The following STX18 variants were observed in gnomAD, a reference collection of about 807,000 sequenced individuals.
The protein encoded by STX18 is syntaxin 18.
STX18 carries 40 observed loss-of-function variants against 50.1 expected under a neutral mutation model. The observed-to-expected ratio is 0.80, with a 90% confidence interval of 0.62 to 1.04. STX18 has a LOEUF of 1.04. Ranked by LOEUF, STX18 falls within the 50% of genes least tolerant of loss-of-function variation. The probability of loss-of-function intolerance (pLI) is 0.00; values close to 1 mark genes in which losing one functional copy is unlikely to be tolerated. For synonymous variants in STX18, 158 were observed against 151.8 expected, an observed-to-expected ratio of 1.04 and a Z score of -0.30; for missense variants, 410 against 415.8, an observed-to-expected ratio of 0.99 and a Z score of 0.12.
At chr4:4,472,304 AC>A (rs1187431707) in intron 1 of STX18, among the ~76,000 whole-genome samples, 1 of 152,206 alleles carries the variant, frequency 6.6e-6, no homozygotes, top group Non-Finnish European at 1.5e-5. Flanking sequence ...ATTCTAAAGC[AC>A]CTACTACATG....
At chr4:4,434,400 T>C (rs1725674360) in intron 7 of STX18, among the ~76,000 whole-genome samples, 1 of 152,230 alleles carries the variant, frequency 6.6e-6, no homozygotes, top group Admixed American at 6.5e-5. Flanking sequence ...TTTTCAGTCA[T>C]TATCTTACTT....
At chr4:4,423,267 C>T (rs957013870) in intron 9 of STX18, among the ~76,000 whole-genome samples, 7 of 152,222 alleles carry the variant, frequency 4.6e-5, no homozygotes, top group African/African-American at 9.6e-5. Flanking sequence ...CACGTGCCAC[C>T]GCATGTGCTA....
At chr4:4,459,827 C>T (rs1727286132) in intron 2 of STX18, among the ~76,000 whole-genome samples, 1 of 152,216 alleles carries the variant, frequency 6.6e-6, no homozygotes, top group African/African-American at 2.4e-5. Context: ...GGCGCAGCTA[C>T]TGAAGGGTCT....
chr4:4,518,618 T>A (rs1009802676), intron 1 of STX18, among the ~76,000 whole-genome samples: 23 of 152,216 alleles, frequency 1.5e-4, no homozygotes, highest in Admixed American at 1.4e-3. Flanking sequence ...ATAAGGGTTT[T>A]TAAAAAAAAG....
intron 5 of STX18, among the ~76,000 whole-genome samples, chr4:4,449,231 G>C (rs1024157705): frequency 2.0e-5 from 3 of 151,792 alleles, no homozygotes; most frequent in Admixed American, 6.6e-5. Context: ...ATTTTTTGTA[G>C]AGATGGGATC....
intron 5 of STX18, among the ~76,000 whole-genome samples, chr4:4,454,281 G>T (rs899882497): frequency 6.6e-6 from 1 of 152,222 alleles, no homozygotes; most frequent in Non-Finnish European, 1.5e-5. Context: ...TTTGTGCAAA[G>T]TAATTGGCAC....
intron 1 of STX18, among the ~76,000 whole-genome samples, chr4:4,528,666 G>C (rs566633222): frequency 2.6e-5 from 4 of 152,250 alleles, no homozygotes; most frequent in Admixed American, 2.0e-4. Context: ...TGCATCTTTC[G>C]GATTGAGGCC....
At chr4:4,434,924 T>C (rs1725697389) in intron 6 of STX18, 66 bp from the exon 7 acceptor site, 3 of 1,081,646 alleles carry the variant, frequency 2.8e-6, no homozygotes, top group Non-Finnish European at 4.1e-6. Context: ...GCTTAGGATG[T>C]AGTCATAACA....
intron 1 of STX18, among the ~76,000 whole-genome samples, chr4:4,518,715 A>G (rs917068503): frequency 6.6e-6 from 1 of 152,172 alleles, no homozygotes; most frequent in Non-Finnish European, 1.5e-5. Flanking sequence ...CACAGAAAAC[A>G]TATCTTAAAA....
chr4:4,502,624 T>C (rs996393845), intron 1 of STX18, among the ~76,000 whole-genome samples: 3 of 152,058 alleles, frequency 2.0e-5, no homozygotes, highest in African/African-American at 7.2e-5. Context: ...GAGGAAACTG[T>C]GTTGAAGAAA....
At chr4:4,434,713 G>C in intron 7 of STX18, 57 bp downstream of exon 7, 1 of 1,448,212 alleles carries the variant, frequency 6.9e-7, no homozygotes, top group South Asian at 1.3e-5. Flanking sequence ...TCTCCTTAGT[G>C]AAACAGTCTT....
intron 2 of STX18, among the ~76,000 whole-genome samples, chr4:4,469,718 T>G (rs1727815876): frequency 6.6e-6 from 1 of 152,130 alleles, no homozygotes; most frequent in African/African-American, 2.4e-5. Context: ...ACTGCTGCAT[T>G]CATGATTCCC....
At chr4:4,442,005 G>A (rs1726132739) in intron 5 of STX18, among the ~76,000 whole-genome samples, 1 of 152,130 alleles carries the variant, frequency 6.6e-6, no homozygotes, top group South Asian at 2.1e-4. Flanking sequence ...ATTCAATTCT[G>A]CCATATGTTT....
At chr4:4,518,648 ATTCC>A (rs1481722291) in intron 1 of STX18, among the ~76,000 whole-genome samples, 8 of 152,168 alleles carry the variant, frequency 5.3e-5, no homozygotes, top group Admixed American at 5.2e-4. Flanking sequence ...CTATAAATTA[ATTCC>A]TTCCTCTCTC....
At chr4:4,463,728 G>A (rs766646955) in intron 2 of STX18, among the ~76,000 whole-genome samples, 7 of 152,172 alleles carry the variant, frequency 4.6e-5, no homozygotes, top group Non-Finnish European at 1.0e-4. Flanking sequence ...TATCAAATCA[G>A]TATTTGATAC....
Position 4,507,742 on chromosome 4 carries a change from G to A in STX18, c.168+34055C>T, listed in dbSNP as rs950934770. 25 of 1,299,366 alleles carry A rather than the reference G, an allele frequency of 1.9e-5. No homozygotes were observed. In the African/African-American group the frequency reaches 3.1e-4, roughly 16 times the overall value. The allele number at this position is 1,299,366 out of a possible 1,614,324, so 80.5% of individuals were successfully genotyped here. A position where few individuals can be genotyped will look rare whatever the true frequency, so the allele number is the denominator to read the frequency against. On this transcript the variant is annotated intron_variant, in intron 1 of 10. Transcript: ENST00000306200. Reference sequence around the variant, plus strand: ...TTCTGGTGTCTCTAAGAAGCTCACGGGCAAGGATGTTAATTTTGAATTCCC... The same window carrying A: ...TTCTGGTGTCTCTAAGAAGCTCACGAGCAAGGATGTTAATTTTGAATTCCC...
At chr4:4,452,394 G>C (rs182874412) in intron 5 of STX18, among the ~76,000 whole-genome samples, 5 of 152,326 alleles carry the variant, frequency 3.3e-5, no homozygotes, top group African/African-American at 9.6e-5. Context: ...CCTTCTATTG[G>C]AATTGGAGGT....
Position 4,457,518 on chromosome 4 carries a change from A to C in STX18, c.353-18T>G, listed in dbSNP as rs927068709. 1.9e-6 allele frequency: 3 copies of C among 1,604,492 alleles called. No homozygotes were observed. The highest frequency in any genetic ancestry group is 3.3e-5 in the Admixed American group (2 of 59,756). On this transcript the variant is annotated intron_variant, in intron 3 of 10. Coordinates refer to ENST00000306200, the MANE Select transcript of STX18 (RefSeq NM_016930.4). ...CTTGTGAGCTGTAACAGAAAAAGACAATGTTCAGGCCTTCGCACTCAATTA... is the reference window on the plus strand; with the variant it reads ...CTTGTGAGCTGTAACAGAAAAAGACCATGTTCAGGCCTTCGCACTCAATTA...
intron 7 of STX18, among the ~76,000 whole-genome samples, chr4:4,433,211 T>TA (rs1211499962): frequency 1.3e-5 from 2 of 152,238 alleles, no homozygotes; most frequent in African/African-American, 2.4e-5. Flanking sequence ...ACAACATATG[T>TA]AAAAGGCTTG....
Sources: allele counts gnomAD v4.1 joint callset (sites outside exome capture counted in the v4.1 genomes callset), GRCh38; gene constraint gnomAD v4.1.1; transcripts MANE v1.5; gene names NCBI Gene and HGNC (gene_info 2026-07-23, HGNC 2026-07-21).